Variants in ENPP5 observed in about 807,000 individuals in gnomAD.
ENPP5 encodes the protein ectonucleotide pyrophosphatase/phosphodiesterase family member 5.
In ENPP5, 27 loss-of-function variants were observed where a neutral mutation model predicts 33.7. That is an observed-to-expected ratio of 0.80 (90% confidence interval 0.59 to 1.11). The LOEUF is 1.11. Among genes scored for constraint, ENPP5 ranks in the 50% least tolerant of loss-of-function variants. The pLI, the probability that ENPP5 is intolerant of heterozygous loss-of-function variation, is 0.00. For missense variants in ENPP5, 552 were observed against 579.2 expected (o/e 0.95, Z 0.48); for synonymous variants, 199 against 200.5 (o/e 0.99, Z 0.06).
intron 2 of ENPP5, among the ~76,000 whole-genome samples, chr6:46,168,851 G>A (rs929435520): frequency 6.6e-6 from 1 of 151,992 alleles, no homozygotes; most frequent in African/African-American, 2.4e-5. Context: ...TAAAGAGAGA[G>A]GAAAATAGAT....
At chr6:46,166,722 G>C (rs1764558424) in intron 3 of ENPP5, among the ~76,000 whole-genome samples, 1 of 152,058 alleles carries the variant, frequency 6.6e-6, no homozygotes, top group African/African-American at 2.4e-5. Context: ...AAATATTATA[G>C]CTTTTCAAAA....
chr6:46,170,287 G>A (rs575317245), intron 1 of ENPP5, among the ~76,000 whole-genome samples, 173 bp from the exon 2 acceptor site: 250 of 152,202 alleles, frequency 1.6e-3, no homozygotes, highest in Non-Finnish European at 2.7e-3. Flanking sequence ...CAAAGATTAA[G>A]TGTTGTCTAA....
rs1425958113 is a variant in ENPP5, at chr6:46,160,869, A to T, written c.*457T>A. 6.4e-6 allele frequency: 1 copy of T among 157,048 alleles called. No homozygotes were observed. The highest frequency in any genetic ancestry group is 1.8e-4 in the East Asian group (1 of 5,422). The allele number at this position is 157,048 out of a possible 1,614,324, so 9.7% of individuals were successfully genotyped here. Reference sequence around the variant, plus strand: ...TTCGGGATTATTAGAAATTTCCTTCAGTTTGAACAATGCGTAACAAGTATT... The same window carrying T: ...TTCGGGATTATTAGAAATTTCCTTCTGTTTGAACAATGCGTAACAAGTATT... On this transcript the variant is annotated 3_prime_UTR_variant, in exon 5 of 5. Coordinates refer to ENST00000371383, the MANE Select transcript of ENPP5 (RefSeq NM_001290072.2).
At chr6:46,169,340 G>A (rs899511364) in intron 2 of ENPP5, among the ~76,000 whole-genome samples, 30 of 150,676 alleles carry the variant, frequency 2.0e-4, no homozygotes, top group African/African-American at 7.3e-4. Flanking sequence ...AACCACACTT[G>A]TACAAATAAA....
intron 3 of ENPP5, 131 bp from the exon 4 acceptor site, chr6:46,165,694 G>A (rs975713083): frequency 3.1e-6 from 2 of 646,750 alleles, no homozygotes; most frequent in Non-Finnish European, 4.8e-6. Flanking sequence ...TCCCCTTGGG[G>A]AAAACAATTT....
Position 46,167,425 on chromosome 6 carries a change from C to T in ENPP5, c.829+9G>A. 6 of 1,569,594 alleles carry T rather than the reference C, an allele frequency of 3.8e-6. No individual in the cohort carries two copies. The highest frequency in any genetic ancestry group is 5.2e-6 in the Non-Finnish European group (6 of 1,142,882). On this transcript the variant is annotated intron_variant, in intron 3 of 4. Coordinates refer to ENST00000371383, the MANE Select transcript of ENPP5 (RefSeq NM_001290072.2). ...AGTCTCAGCTCACCATTCATTCAGT[C>T]AGCCTTACCTTCTTTTGGCAAGATG...
Position 46,161,581 on chromosome 6 carries a change from C to T in ENPP5, c.1179G>A (p.Trp393Ter). 1.2e-6 allele frequency: 2 copies of T among 1,613,974 alleles called. No homozygotes were observed. Among genetic ancestry groups the T allele is most frequent in the Non-Finnish European group, 1.7e-6 (2 of 1,179,926 alleles). The change falls in exon 5 of 5, where the codon TGG becomes TGA. Residue 393 changes from tryptophan (W) to a stop codon, truncating the protein, a stop_gained. Transcript: ENST00000371383. LOFTEE classifies it high-confidence loss of function. ...ITAMPHNGSF[W>*]NVQDLLNSAM... ...CTGAATTGAGCAGATCCTGGACATT[C>T]CAGAATGATCCATTGTGTGGCATGG...
At position 46,160,766 on chromosome 6, in the gene ENPP5, A is replaced by G. The variant is rs1764363847; in HGVS notation, c.*560T>C. The G allele has an allele frequency of 6.5e-6, 1 of 153,364 alleles. No homozygotes were observed. Among genetic ancestry groups the G allele is most frequent in the Admixed American group, 6.4e-5 (1 of 15,526 alleles). The allele number at this position is 153,364 out of a possible 1,614,324, so 9.5% of individuals were successfully genotyped here. On this transcript the variant is annotated 3_prime_UTR_variant, in exon 5 of 5. Transcript: ENST00000371383. ...TACATCTCCAAAATTCAAGGTTCAA[A>G]GGTTATCACATTTAATTTTCAACAC...
chr6:46,163,477 T>C (rs1764448498), intron 4 of ENPP5, among the ~76,000 whole-genome samples: 1 of 151,418 alleles, frequency 6.6e-6, no homozygotes, highest in South Asian at 2.1e-4. Flanking sequence ...TTTGGTTTTT[T>C]GTTCTTGCGA....
chr6:46,161,653 G>A lies in ENPP5; in HGVS notation c.1107C>T (p.Asn369=), dbSNP rs770852653. The change falls in exon 5 of 5, where the codon AAC becomes AAT. Residue 369 remains asparagine, a synonymous_variant. Transcript: ENST00000371383. The part of the protein sequence containing the change: ...FRKNFSKEAM[N]STDLYPLLCH... The stretch of plus-strand genomic sequence containing the variant: ...ATAGTAGTGGGTACAAATCTGTGGA[G>A]TTCATGGCTTCTTTTGAGAAATTCT... The A allele has an allele frequency of 1.2e-6, 2 of 1,613,670 alleles. No homozygotes were observed. The highest frequency in any genetic ancestry group is 2.2e-5 in the South Asian group (2 of 91,068).
At position 46,161,629 on chromosome 6, in the gene ENPP5, T is replaced by C. The variant is rs780891625; in HGVS notation, c.1131A>G (p.Leu377=). The change falls in exon 5 of 5, where the codon CTA becomes CTG. Residue 377 remains leucine (L), a synonymous_variant. Coordinates refer to ENST00000371383, the MANE Select transcript of ENPP5 (RefSeq NM_001290072.2). The part of the protein sequence containing the change: ...AMNSTDLYPL[L]CHLLNITAMP... ...TGGCGGTGATATTGAGGAGGTGGCA[T>C]AGTAGTGGGTACAAATCTGTGGAGT... is the stretch of plus-strand genomic sequence containing the variant. 32 of 1,613,858 alleles carry C rather than the reference T, an allele frequency of 2.0e-5. No individual in the cohort carries two copies. Among genetic ancestry groups the C allele is most frequent in the Non-Finnish European group, 2.6e-5 (31 of 1,179,872 alleles).
intron 3 of ENPP5, 88 bp downstream of exon 3, chr6:46,167,346 G>T: frequency 2.4e-6 from 2 of 836,994 alleles, no homozygotes; most frequent in Non-Finnish European, 1.9e-6. Flanking sequence ...CTACTTTAAA[G>T]GCGCAGCAAC....
chr6:46,165,721 G>GAA (rs2127498087), intron 3 of ENPP5, among the ~76,000 whole-genome samples, 158 bp from the exon 4 acceptor site: 1 of 152,276 alleles, frequency 6.6e-6, no homozygotes, highest in South Asian at 2.1e-4. Flanking sequence ...GGGAAACTAG[G>GAA]AAATAATCTT....
Position 46,161,358 on chromosome 6 carries a change from C to G in ENPP5, c.1402G>C (p.Ala468Pro). The change falls in exon 5 of 5, where the codon GCT becomes CCT. Residue 468 changes from alanine to proline, a missense_variant. By Grantham distance (27) the Ala-to-Pro change is conservative. Transcript: ENST00000371383. ...TGTAATAATGGTTGAGCTATTTCAGCATGCATATCTTGTAAGGCAGGTATT... is the reference window on the plus strand; with the variant it reads ...TGTAATAATGGTTGAGCTATTTCAGGATGCATATCTTGTAAGGCAGGTATT... ...SQIPALQDMH[A>P]EIAQPLLQA is the part of the protein sequence containing the mutation. 6.2e-7 allele frequency: 1 copy of G among 1,613,252 alleles called. No individual in the cohort carries two copies. The highest frequency in any genetic ancestry group is 8.5e-7 in the Non-Finnish European group (1 of 1,179,564).
chr6:46,161,173 ATGTGTGTGTGTG>A lies in ENPP5; in HGVS notation c.*141_*152del, dbSNP rs35054026. ...TAAGTATTTTGGTCCGTGTGTGTGT[ATGTGTGTGTGTG>A]TGTGTGTGTATACCTAAATATGTAA... On this transcript the variant is annotated 3_prime_UTR_variant, in exon 5 of 5. Transcript: ENST00000371383. 1.8e-6 allele frequency: 1 copy of A among 569,778 alleles called. No homozygotes were observed. The highest frequency in any genetic ancestry group is 3.1e-5 in the Admixed American group (1 of 32,354). 35.3% of individuals were successfully genotyped at this position (569,778 alleles called of 1,614,324 possible).
chr6:46,170,605 G>A (rs925094134), intron 1 of ENPP5, among the ~76,000 whole-genome samples: 3 of 151,884 alleles, frequency 2.0e-5, no homozygotes, highest in Non-Finnish European at 4.4e-5. Flanking sequence ...TCAAGGGCGG[G>A]GGTGTCCATC....
intron 2 of ENPP5, 129 bp downstream of exon 2, chr6:46,169,924 A>G (rs1764686963): frequency 6.6e-6 from 1 of 152,186 alleles, no homozygotes; most frequent in African/African-American, 2.4e-5. Context: ...TGGTCTCAAG[A>G]TGATAGCTCA....
At position 46,161,367 on chromosome 6, in the gene ENPP5, C is replaced by G; in HGVS notation, c.1393G>C (p.Asp465His). Residue 465 changes from aspartate to histidine, a missense_variant, in exon 5 of 5, where the codon GAT becomes CAT. Physicochemically the swap from Asp to His is moderately conservative, Grantham distance 81. Coordinates refer to ENST00000371383, the MANE Select transcript of ENPP5 (RefSeq NM_001290072.2). ...LIHSQIPALQ[D>H]MHAEIAQPLL... ...GGTTGAGCTATTTCAGCATGCATAT[C>G]TTGTAAGGCAGGTATTTGACTGTGA... 2 of 1,613,662 alleles carry G rather than the reference C, an allele frequency of 1.2e-6. No individual in the cohort carries two copies. Among genetic ancestry groups the G allele is most frequent in the Non-Finnish European group, 1.7e-6 (2 of 1,179,752 alleles).
Position 46,167,787 on chromosome 6 carries a change from T to C in ENPP5, c.476A>G (p.Glu159Gly), listed in dbSNP as rs1052493262. The change falls in exon 3 of 5, where the codon GAG (glutamate) becomes GGG (glycine). Residue 159 changes from glutamate to glycine, a missense_variant. Physicochemically the swap from Glu to Gly is moderately conservative, Grantham distance 98. Transcript: ENST00000371383. ...RFPTHYMPYN[E>G]SVSFEDRVAK... ...AACTCTATCTTCAAATGAAACTGAC[T>C]CATTGTAAGGCATGTAATGAGTAGG... 1 of 1,614,116 alleles carries C rather than the reference T, an allele frequency of 6.2e-7. No individual in the cohort carries two copies. The highest frequency in any genetic ancestry group is 8.5e-7 in the Non-Finnish European group (1 of 1,180,012).
Sources: gnomAD v4.1 joint callset for allele counts (sites outside exome capture counted in the v4.1 genomes callset) on GRCh38, gnomAD v4.1.1 for gene constraint, MANE v1.5 for transcripts, NCBI Gene and HGNC (gene_info 2026-07-23, HGNC 2026-07-21) for gene names.